The following TGFBR3 variants were observed in gnomAD, a reference collection of about 807,000 sequenced individuals.
TGFBR3 encodes the protein transforming growth factor beta receptor 3.
Under a neutral mutation model 87.9 loss-of-function variants are expected in TGFBR3, and 46 were observed. That is an observed-to-expected ratio of 0.52 (90% CI 0.41 to 0.67). The LOEUF (loss-of-function observed/expected upper bound fraction) is 0.67, where lower values mean the gene tolerates loss of function less well. Among genes scored for constraint, TGFBR3 ranks in the 30% least tolerant of loss-of-function variants. The probability of loss-of-function intolerance (pLI) is 0.00; values close to 1 mark genes in which losing one functional copy is unlikely to be tolerated. For synonymous variants in TGFBR3, 381 were observed against 391.6 expected, an observed-to-expected ratio of 0.97 and a Z score of 0.32; for missense variants, 866 against 1,041.9, an observed-to-expected ratio of 0.83 and a Z score of 2.32.
chr1:91,881,414 C>G lies in TGFBR3; in HGVS notation c.-114+4464G>C, dbSNP rs370196750. Among the ~76,000 whole-genome samples the G allele has an allele frequency of 2.6e-5, 4 of 152,138 alleles. No individual in the cohort carries two copies. The South Asian group carries it at 6.2e-4, about 24-fold the overall frequency. Reference sequence around the variant, plus strand: ...GGAACAACACTTTCCTTCAAGCCAACGAAAGGCTTTCTGTAAGAAAGCCCT... The same window carrying G: ...GGAACAACACTTTCCTTCAAGCCAAGGAAAGGCTTTCTGTAAGAAAGCCCT... On this transcript the variant is annotated intron_variant, in intron 1 of 16. Coordinates refer to ENST00000212355, the MANE Select transcript of TGFBR3 (RefSeq NM_003243.5).
rs1264675179 is a variant in TGFBR3 at position 91,795,617 on chromosome 1, C to CT, written c.246+1669dup. Among the ~76,000 whole-genome samples, 7 of 152,336 alleles carry CT rather than the reference C, an allele frequency of 4.6e-5. No homozygotes were observed. In the East Asian group the frequency reaches 1.3e-3, roughly 29 times the overall value. On this transcript the variant is annotated intron_variant, in intron 3 of 16. Transcript: ENST00000212355. ...CTGCTTCTGTAACAGCTTGGACTTT[C>CT]TTTTCCCTCTGAGTTCCTCTGAGAG...
chr1:91,708,039 C>G (rs536783069), intron 14 of TGFBR3, among the ~76,000 whole-genome samples: 2 of 152,222 alleles, frequency 1.3e-5, no homozygotes, highest in Non-Finnish European at 2.9e-5. Flanking sequence ...ATGCCACACC[C>G]CTTAGGGCAC....
intron 4 of TGFBR3, among the ~76,000 whole-genome samples, chr1:91,750,344 T>A (rs530582770): frequency 6.6e-6 from 1 of 152,338 alleles, no homozygotes; most frequent in South Asian, 2.1e-4. Context: ...CAGTTGAAAC[T>A]GGGCTCTTTC....
intron 2 of TGFBR3, among the ~76,000 whole-genome samples, chr1:91,800,803 G>A (rs958677141): frequency 2.0e-5 from 3 of 152,190 alleles, no homozygotes; most frequent in Admixed American, 1.3e-4. Context: ...GACACTGCTC[G>A]GCCCAGTGCG....
intron 2 of TGFBR3, among the ~76,000 whole-genome samples, chr1:91,851,164 G>A (rs949918470): frequency 6.6e-6 from 1 of 152,068 alleles, no homozygotes; most frequent in Non-Finnish European, 1.5e-5. Flanking sequence ...TTAAGAGCTG[G>A]CAAGGGAGGG....
chr1:91,781,676 A>T lies in TGFBR3; in HGVS notation c.246+15611T>A, dbSNP rs558389559. Among the ~76,000 whole-genome samples the T allele has an allele frequency of 3.3e-5, 5 of 152,350 alleles. No individual in the cohort carries two copies. The East Asian group carries it at 5.8e-4, about 18-fold the overall frequency. On this transcript the variant is annotated intron_variant, in intron 3 of 16. Coordinates refer to ENST00000212355, the MANE Select transcript of TGFBR3 (RefSeq NM_003243.5). ...ATTTAAGAACACATGACAAAACAGG[A>T]CGAAAAATTGCCCTTGTACATTGCT... is the stretch of plus-strand genomic sequence containing the variant.
intron 6 of TGFBR3, among the ~76,000 whole-genome samples, chr1:91,728,869 C>T (rs1672642365): frequency 6.6e-6 from 1 of 152,110 alleles, no homozygotes; most frequent in South Asian, 2.1e-4. Flanking sequence ...GGGAAAAGAA[C>T]CTACTTTTTC....
intron 1 of TGFBR3, among the ~76,000 whole-genome samples, chr1:91,875,418 T>C (rs1229319815): frequency 6.6e-6 from 1 of 151,708 alleles, no homozygotes; most frequent in African/African-American, 2.4e-5. Flanking sequence ...CACTGTCCGA[T>C]AGGCTGTTGG....
chr1:91,682,396 CT>C lies in TGFBR3; in HGVS notation c.*1342del, dbSNP rs17883810. The C allele has an allele frequency of 1.2e-4, 49 of 423,888 alleles. No homozygotes were observed. The highest frequency in any genetic ancestry group is 4.3e-4 in the East Asian group (6 of 13,930). The allele number at this position is 423,888 out of a possible 1,614,324, so 26.3% of individuals were successfully genotyped here. On this transcript the variant is annotated 3_prime_UTR_variant, in exon 17 of 17. Transcript: ENST00000212355. ...AATAATTTAGCATGATAATTCCCCC[CT>C]GGCATTCTTTTTTTTTTTTTTTTTT... is the stretch of plus-strand genomic sequence containing the variant.
intron 2 of TGFBR3, among the ~76,000 whole-genome samples, chr1:91,807,940 C>T (rs1211118075): frequency 6.6e-6 from 1 of 152,106 alleles, no homozygotes; most frequent in Non-Finnish European, 1.5e-5. Flanking sequence ...ACTTCAAATA[C>T]TATTAGAGAC....
intron 2 of TGFBR3, among the ~76,000 whole-genome samples, chr1:91,802,470 C>T (rs1180772734): frequency 6.6e-6 from 1 of 151,944 alleles, no homozygotes. Context: ...AAGCGATTCT[C>T]GTGCCTCAGC....
chr1:91,859,058 CAA>C (rs200660883), intron 2 of TGFBR3, among the ~76,000 whole-genome samples: 22 of 127,736 alleles, frequency 1.7e-4, no homozygotes, highest in Non-Finnish European at 1.7e-4. Context: ...GACTCTGTAT[CAA>C]AAAAAAAAAA....
chr1:91,726,790 CAAAAAAAA>C (rs199939529), intron 7 of TGFBR3, among the ~76,000 whole-genome samples: 3 of 90,596 alleles, frequency 3.3e-5, no homozygotes, highest in South Asian at 3.9e-4. Context: ...AGAGATTGGC[CAAAAAAAA>C]AAAAAAAAAA....
chr1:91,694,314 G>C (rs1196717930), intron 16 of TGFBR3, among the ~76,000 whole-genome samples: 1 of 152,306 alleles, frequency 6.6e-6, no homozygotes, highest in East Asian at 1.9e-4. Flanking sequence ...TTTACTCAAA[G>C]TATCCTGACT....
intron 7 of TGFBR3, among the ~76,000 whole-genome samples, chr1:91,726,790 C>CAAAA (rs199939529): frequency 1.1e-5 from 1 of 90,594 alleles, no homozygotes; most frequent in Non-Finnish European, 2.1e-5. Context: ...AGAGATTGGC[C>CAAAA]AAAAAAAAAA....
intron 4 of TGFBR3, among the ~76,000 whole-genome samples, chr1:91,754,781 C>T (rs1043144486): frequency 3.3e-5 from 5 of 152,034 alleles, no homozygotes; most frequent in African/African-American, 9.7e-5. Flanking sequence ...GAAAGTTTTC[C>T]TTTTTTAATT....
chr1:91,842,643 C>G (rs565915702), intron 2 of TGFBR3, among the ~76,000 whole-genome samples: 1 of 152,304 alleles, frequency 6.6e-6, no homozygotes, highest in African/African-American at 2.4e-5. Flanking sequence ...CAAAGCTAAA[C>G]AGCAAATGCA....
At chr1:91,701,850 T>A (rs1258295601) in intron 14 of TGFBR3, among the ~76,000 whole-genome samples, 1 of 152,176 alleles carries the variant, frequency 6.6e-6, no homozygotes, top group Non-Finnish European at 1.5e-5. Context: ...GCAGGCCCCA[T>A]TTAAGACAGA....
chr1:91,839,941 C>A (rs866140764), intron 2 of TGFBR3, among the ~76,000 whole-genome samples: 1 of 151,902 alleles, frequency 6.6e-6, no homozygotes. Context: ...GAGTGATAAG[C>A]CTAAAGAAAC....
Sources: allele counts gnomAD v4.1 joint callset (sites outside exome capture counted in the v4.1 genomes callset), GRCh38; gene constraint gnomAD v4.1.1; transcripts MANE v1.5; gene names NCBI Gene and HGNC (gene_info 2026-07-23, HGNC 2026-07-21).